The following ADGRL3 variants were observed in gnomAD, a reference collection of about 807,000 sequenced individuals.
The protein encoded by ADGRL3 is calcium-independent alpha-latrotoxin receptor 3.
ADGRL3 carries 62 observed loss-of-function variants against 153.5 expected under a neutral mutation model. The ratio of observed to expected loss-of-function variants is 0.40; its 90% CI spans 0.33 to 0.50. The LOEUF is 0.50. Ranked by LOEUF, ADGRL3 falls within the 20% of genes least tolerant of loss-of-function variation. The pLI, the probability that ADGRL3 is intolerant of heterozygous loss-of-function variation, is 0.47. For missense variants in ADGRL3, 1,641 were observed against 1,859.4 expected (o/e 0.88, Z 2.16); for synonymous variants, 710 against 672.5 (o/e 1.06, Z -0.86).
intron 1 of ADGRL3, among the ~76,000 whole-genome samples, chr4:61,289,691 C>A (rs1344023793): frequency 2.6e-5 from 4 of 151,958 alleles, no homozygotes; most frequent in Non-Finnish European, 5.9e-5. Flanking sequence ...GGATTTTCTA[C>A]ATGATTACTT....
intron 1 of ADGRL3, among the ~76,000 whole-genome samples, chr4:61,369,658 C>G (rs1194394609): frequency 6.6e-6 from 1 of 152,116 alleles, no homozygotes; most frequent in African/African-American, 2.4e-5. Flanking sequence ...ATTTTTGCAT[C>G]AATGTTCATC....
rs146590326 is a variant in ADGRL3 at position 61,932,673 on chromosome 4, C to T, written c.2113-2167C>T. 3.3e-5 allele frequency among the ~76,000 whole-genome samples: 5 copies of T among 152,166 alleles called. No homozygotes were observed. In the East Asian group the frequency reaches 9.7e-4, roughly 29 times the overall value. On this transcript the variant is annotated intron_variant, in intron 13 of 26. Transcript: ENST00000683033. ...GTCTGGCTTTGGTGTCAAAGTAATG[C>T]TAGCCTCATAAAAAGGTGTTTGGAA...
intron 5 of ADGRL3, among the ~76,000 whole-genome samples, chr4:61,625,705 G>A (rs1004149865): frequency 6.6e-6 from 1 of 151,984 alleles, no homozygotes; most frequent in African/African-American, 2.4e-5. Flanking sequence ...GTCAATACAG[G>A]GTGATACAGG....
intron 25 of ADGRL3, 74 bp from the exon 26 acceptor site, chr4:62,068,092 A>G (rs1743968782): frequency 1.0e-6 from 1 of 992,738 alleles, no homozygotes; most frequent in Non-Finnish European, 1.4e-6. Context: ...TTTGCTTTTT[A>G]CTCATGTTTC....
At chr4:61,796,705 TTGGTATTTGC>T (rs1463958381) in intron 8 of ADGRL3, among the ~76,000 whole-genome samples, 3 of 152,224 alleles carry the variant, frequency 2.0e-5, no homozygotes, top group Non-Finnish European at 4.4e-5. Flanking sequence ...CCTCTATTTT[TTGGTATTTGC>T]TGTCGTTATA....
At chr4:61,371,992 C>G (rs1032828788) in intron 1 of ADGRL3, among the ~76,000 whole-genome samples, 1 of 152,150 alleles carries the variant, frequency 6.6e-6, no homozygotes, top group Admixed American at 6.5e-5. Context: ...CATCTTCCAT[C>G]GCTGATACCC....
chr4:61,782,083 G>C (rs1359407450), intron 8 of ADGRL3, among the ~76,000 whole-genome samples: 1 of 152,132 alleles, frequency 6.6e-6, no homozygotes, highest in Non-Finnish European at 1.5e-5. Context: ...TAGGCTGACT[G>C]TATTACTTGA....
At chr4:61,459,416 G>A (rs925610245) in intron 2 of ADGRL3, among the ~76,000 whole-genome samples, 2 of 151,758 alleles carry the variant, frequency 1.3e-5, no homozygotes, top group South Asian at 2.1e-4. Flanking sequence ...TAATAAATGT[G>A]CATTTACTAT....
intron 15 of ADGRL3, among the ~76,000 whole-genome samples, chr4:61,946,023 C>T (rs2098921715): frequency 6.6e-6 from 1 of 152,128 alleles, no homozygotes; most frequent in African/African-American, 2.4e-5. Context: ...TAATAATTGA[C>T]TTGTTTCCAG....
chr4:61,922,463 C>T (rs935380234), intron 13 of ADGRL3, among the ~76,000 whole-genome samples: 5 of 151,884 alleles, frequency 3.3e-5, no homozygotes, highest in African/African-American at 9.7e-5. Context: ...ATTAATGAAC[C>T]AATGTTAATA....
chr4:61,849,962 TA>T (rs2098181815), intron 9 of ADGRL3, among the ~76,000 whole-genome samples: 1 of 152,126 alleles, frequency 6.6e-6, no homozygotes, highest in Admixed American at 6.5e-5. Context: ...AATTATGACA[TA>T]ATGTAGCACT....
intron 1 of ADGRL3, among the ~76,000 whole-genome samples, chr4:61,230,087 C>CA (rs1749926682): frequency 6.6e-6 from 1 of 152,004 alleles, no homozygotes; most frequent in South Asian, 2.1e-4. Flanking sequence ...TATAGGGTCA[C>CA]CCTAGCTACA....
At chr4:61,353,349 A>G (rs1263782619) in intron 1 of ADGRL3, among the ~76,000 whole-genome samples, 1 of 152,012 alleles carries the variant, frequency 6.6e-6, no homozygotes, top group Non-Finnish European at 1.5e-5. Context: ...ACATACACCC[A>G]TTTTATACTC....
chr4:61,581,758 A>G (rs997204720), intron 4 of ADGRL3, among the ~76,000 whole-genome samples: 1 of 151,858 alleles, frequency 6.6e-6, no homozygotes, highest in East Asian at 1.9e-4. Flanking sequence ...AAATCTAACC[A>G]TTTGCTTATA....
At chr4:62,058,263 A>ATGAT (rs2151832539) in intron 25 of ADGRL3, among the ~76,000 whole-genome samples, 2 of 152,198 alleles carry the variant, frequency 1.3e-5, no homozygotes, top group Admixed American at 1.3e-4. Flanking sequence ...CAAATAATAT[A>ATGAT]TGATTGATTG....
At chr4:61,904,524 T>C (rs1450709226) in intron 11 of ADGRL3, among the ~76,000 whole-genome samples, 1 of 152,210 alleles carries the variant, frequency 6.6e-6, no homozygotes, top group Non-Finnish European at 1.5e-5. Context: ...TTTTCATTAC[T>C]GCACATAAAG....
chr4:61,923,664 T>C (rs997294551), intron 13 of ADGRL3, among the ~76,000 whole-genome samples: 171 of 152,204 alleles, frequency 1.1e-3, no homozygotes, highest in African/African-American at 4.1e-3. Context: ...CTTTGACATA[T>C]GAAGTCAACA....
chr4:61,498,968 A>G (rs2098352910), intron 3 of ADGRL3, among the ~76,000 whole-genome samples: 1 of 152,190 alleles, frequency 6.6e-6, no homozygotes, highest in African/African-American at 2.4e-5. Flanking sequence ...ATAGCAAAGA[A>G]AAAAGGACAC....
intron 15 of ADGRL3, among the ~76,000 whole-genome samples, chr4:61,946,269 G>A (rs912318293): frequency 2.6e-5 from 4 of 152,076 alleles, no homozygotes; most frequent in Admixed American, 6.5e-5. Context: ...TTGTGGGTAT[G>A]AAATTGAAAC....
Sources: gnomAD v4.1 joint callset for allele counts (sites outside exome capture counted in the v4.1 genomes callset) on GRCh38, gnomAD v4.1.1 for gene constraint, MANE v1.5 for transcripts, NCBI Gene and HGNC (gene_info 2026-07-23, HGNC 2026-07-21) for gene names.